DNAJA1: variants seen among roughly 807,000 people sequenced by gnomAD.
The protein encoded by DNAJA1 is dnaJ homolog subfamily A member 1.
A neutral mutation model predicts 47.6 loss-of-function variants in DNAJA1; 26 were observed. That is an observed-to-expected ratio of 0.55 (90% confidence interval 0.40 to 0.76). The LOEUF is 0.76. Ranked by LOEUF, DNAJA1 falls within the 30% of genes least tolerant of loss-of-function variation. DNAJA1 has a pLI of 0.00. For synonymous variants in DNAJA1, 165 were observed against 158.4 expected (o/e 1.04, Z -0.31); for missense variants, 315 against 485.0 (o/e 0.65, Z 3.29).
At chr9:33,026,281 C>A (rs960982097) in intron 1 of DNAJA1, among the ~76,000 whole-genome samples, 194 bp from the exon 2 acceptor site, 11 of 152,150 alleles carry the variant, frequency 7.2e-5, no homozygotes. Context: ...GATTATTTCC[C>A]GATAATGATT....
Position 33,026,868 on chromosome 9 carries a change from T to C in DNAJA1, c.188T>C (p.Leu63Ser). 1 of 1,614,180 alleles carries C rather than the reference T, an allele frequency of 6.2e-7. No individual in the cohort carries two copies. Among genetic ancestry groups the C allele is most frequent in the Non-Finnish European group, 8.5e-7 (1 of 1,180,028 alleles). ...EVLSDAKKRE[L>S]YDKGGEQAIK... ...CTCTCTGATGCAAAGAAAAGGGAAT[T>C]ATATGACAAAGGAGGAGAACAGGCA... The change falls in exon 3 of 9, where the codon TTA becomes TCA. Residue 63 changes from leucine to serine, a missense_variant. Transcript: ENST00000330899.
rs1838946284 is a variant in DNAJA1 at position 33,030,646 on chromosome 9, T to G, written c.622T>G (p.Leu208Val). ...GAAGATAGTTCGAGAGAAGAAAATTTTAGAAGTTCATATTGACAAAGGTGA... is the reference window on the plus strand; with the variant it reads ...GAAGATAGTTCGAGAGAAGAAAATTGTAGAAGTTCATATTGACAAAGGTGA... The part of the protein sequence containing the change: ...GRKIVREKKI[L>V]EVHIDKGMKD... Residue 208 changes from leucine (L) to valine (V), a missense_variant, in exon 5 of 9, where the codon TTA becomes GTA. By Grantham distance (32) the Leu-to-Val change is conservative. Transcript: ENST00000330899. 6.2e-7 allele frequency: 1 copy of G among 1,613,040 alleles called. No homozygotes were observed. The highest frequency in any genetic ancestry group is 1.1e-5 in the South Asian group (1 of 90,838).
At position 33,026,980 on chromosome 9, in the gene DNAJA1, A is replaced by G; in HGVS notation, c.300A>G (p.Arg100=). ...TTGGAGGAGGAGGAAGGATGCAGAG[A>G]GAAAGGAGAGGTAAGAAGAATCTAG... is the stretch of plus-strand genomic sequence containing the variant. The part of the protein sequence containing the change: ...MFFGGGGRMQ[R]ERRGKNVVHQ... Residue 100 remains arginine, a synonymous_variant, in exon 3 of 9, where the codon AGA becomes AGG. Transcript: ENST00000330899. 1.9e-6 allele frequency: 3 copies of G among 1,614,144 alleles called. No individual in the cohort carries two copies. Among genetic ancestry groups the G allele is most frequent in the South Asian group, 2.2e-5 (2 of 91,084 alleles).
intron 2 of DNAJA1, 88 bp downstream of exon 2, chr9:33,026,704 T>TA (rs1476370209): frequency 1.9e-6 from 3 of 1,562,126 alleles, no homozygotes; most frequent in Non-Finnish European, 1.7e-6. Context: ...GAGTATCTAA[T>TA]ATAGTAACTA....
chr9:33,034,452 A>C, intron 6 of DNAJA1, 122 bp downstream of exon 6: 1 of 703,066 alleles, frequency 1.4e-6, no homozygotes, highest in Non-Finnish European at 2.4e-6. Context: ...TCTCAGGAAG[A>C]TTGTTAACCA....
chr9:33,037,299 CCTGT>C, intron 8 of DNAJA1, 184 bp downstream of exon 8: 1 of 405,016 alleles, frequency 2.5e-6, no homozygotes, highest in East Asian at 3.7e-5. Context: ...ATAGTGAAAC[CCTGT>C]CTCTTTAAAA....
intron 6 of DNAJA1, 64 bp from the exon 7 acceptor site, chr9:33,036,510 C>G: frequency 9.4e-7 from 1 of 1,060,214 alleles, no homozygotes; most frequent in Non-Finnish European, 1.4e-6. Flanking sequence ...AAAAAACAGC[C>G]TGCTTTGGTA....
At chr9:33,027,777 G>A (rs141404572) in intron 3 of DNAJA1, among the ~76,000 whole-genome samples, 10,714 of 152,042 alleles carry the variant, frequency 0.07, 510 homozygotes, top group Non-Finnish European at 0.11. Flanking sequence ...TTGAACCCTG[G>A]AGGCAGAGGT....
At chr9:33,026,668 T>C (rs1216455270) in intron 2 of DNAJA1, 52 bp downstream of exon 2, 3 of 1,574,658 alleles carry the variant, frequency 1.9e-6, no homozygotes, top group African/African-American at 1.4e-5. Context: ...GCCAGACGTA[T>C]AGTATTTCTA....
At chr9:33,029,564 T>G (rs1838928577) in intron 3 of DNAJA1, among the ~76,000 whole-genome samples, 1 of 152,268 alleles carries the variant, frequency 6.6e-6, no homozygotes, top group African/African-American at 2.4e-5. Flanking sequence ...TATTGTGAAA[T>G]GTGCCCTTTT....
intron 1 of DNAJA1, among the ~76,000 whole-genome samples, chr9:33,025,815 C>T (rs1476022204): frequency 6.6e-6 from 1 of 152,214 alleles, no homozygotes; most frequent in African/African-American, 2.4e-5. Context: ...TCTGTTTCCC[C>T]TCCCTTTGTT....
Position 33,039,133 on chromosome 9 carries a change from AAAG to A in DNAJA1, c.*234_*236del. The A allele has an allele frequency of 1.9e-6, 1 of 517,664 alleles. No individual in the cohort carries two copies. Among genetic ancestry groups the A allele is most frequent in the African/African-American group, 1.9e-5 (1 of 52,264 alleles). 32.1% of individuals were successfully genotyped at this position (517,664 alleles called of 1,614,324 possible). ...GAAGTTTAATACCTGTAAAAACTAC[AAAG>A]AAGTTCCCCTAGCATTTCTAGGCCA... On this transcript the variant is annotated 3_prime_UTR_variant, in exon 9 of 9. Coordinates refer to ENST00000330899, the MANE Select transcript of DNAJA1 (RefSeq NM_001539.4).
intron 6 of DNAJA1, among the ~76,000 whole-genome samples, chr9:33,035,615 G>A (rs1356935528): frequency 1.3e-5 from 2 of 151,756 alleles, no homozygotes; most frequent in Non-Finnish European, 2.9e-5. Flanking sequence ...GATTACAGGC[G>A]CCCACCACCA....
rs552651063 is a variant in DNAJA1, at chr9:33,030,000, T to TTTTTG, written c.415+31_415+35dup. On this transcript the variant is annotated intron_variant, in intron 4 of 8. Coordinates refer to ENST00000330899, the MANE Select transcript of DNAJA1 (RefSeq NM_001539.4). ...GTGACAAATGTGAAGGTACGGTGTT[T>TTTTTG]TTTTGTTTTGTTTTGTTTTGTTTTT... The TTTTTG allele has an allele frequency of 2.2e-5, 36 of 1,608,126 alleles. No homozygotes were observed. The highest frequency in any genetic ancestry group is 6.7e-5 in the African/African-American group (5 of 74,700).
intron 3 of DNAJA1, among the ~76,000 whole-genome samples, chr9:33,028,853 G>C (rs1339478311): frequency 6.6e-6 from 1 of 152,212 alleles, no homozygotes; most frequent in Non-Finnish European, 1.5e-5. Context: ...TAAGCAGAAG[G>C]ACATAATTAA....
At chr9:33,037,958 G>C (rs1230328610) in intron 8 of DNAJA1, among the ~76,000 whole-genome samples, 2 of 151,114 alleles carry the variant, frequency 1.3e-5, no homozygotes, top group Admixed American at 1.3e-4. Context: ...ATTTTCCTGA[G>C]TCTTAAATTG....
chr9:33,028,971 A>G (rs1423814408), intron 3 of DNAJA1, among the ~76,000 whole-genome samples: 1 of 152,202 alleles, frequency 6.6e-6, no homozygotes, highest in Non-Finnish European at 1.5e-5. Context: ...TATTGTTGTG[A>G]ATAAGTCCTT....
chr9:33,025,537 G>A (rs965636387), intron 1 of DNAJA1, among the ~76,000 whole-genome samples, 154 bp downstream of exon 1: 1 of 152,224 alleles, frequency 6.6e-6, no homozygotes, highest in African/African-American at 2.4e-5. Flanking sequence ...GGCTGGTGTG[G>A]TGCCCTGGCA....
chr9:33,031,243 C>T (rs1468305444), intron 5 of DNAJA1, among the ~76,000 whole-genome samples: 1 of 152,042 alleles, frequency 6.6e-6, no homozygotes, highest in Non-Finnish European at 1.5e-5. Flanking sequence ...ATTACAGGCA[C>T]CCAGCACCAT....
Sources: gnomAD v4.1 joint callset for allele counts (sites outside exome capture counted in the v4.1 genomes callset) on GRCh38, gnomAD v4.1.1 for gene constraint, MANE v1.5 for transcripts, NCBI Gene and HGNC (gene_info 2026-07-23, HGNC 2026-07-21) for gene names.